Variants in RTN1 observed in about 807,000 individuals in gnomAD.
The protein encoded by RTN1 is reticulon-1.
RTN1 carries 25 observed loss-of-function variants against 65.5 expected under a neutral mutation model. The observed-to-expected ratio is 0.38, with a 90% CI of 0.28 to 0.53. The LOEUF (loss-of-function observed/expected upper bound fraction) is 0.53. RTN1 is among the 20% of genes least tolerant of loss of function. RTN1 has a pLI of 0.79. For missense variants in RTN1, 983 were observed against 1,025.4 expected, an observed-to-expected ratio of 0.96 and a Z score of 0.57; for synonymous variants, 471 against 447.6, an observed-to-expected ratio of 1.05 and a Z score of -0.66.
rs1434055791 is a variant in RTN1, at chr14:59,766,493, ATAT to A, written c.242-20015_242-20013del. Among the ~76,000 whole-genome samples, 2 of 152,116 alleles carry A rather than the reference ATAT, an allele frequency of 1.3e-5. No individual in the cohort carries two copies. The highest frequency in any genetic ancestry group is 2.9e-5 in the Non-Finnish European group (2 of 68,036). ...GTAAGTTGGTAAGGTAGCTGCTCTT[ATAT>A]CTGGGGAAGAAACTAGGGGTTCAAA... On this transcript the variant is annotated intron_variant, in intron 1 of 8. Transcript: ENST00000267484. This position sits in a 1 kb window ranked among gnomAD's most constrained non-coding sequence, Gnocchi z 4.4.
intron 1 of RTN1, among the ~76,000 whole-genome samples, chr14:59,831,761 CAT>C (rs142890244): frequency 6.6e-6 from 1 of 150,816 alleles, no homozygotes; most frequent in South Asian, 2.1e-4. Context: ...ATATATAATC[CAT>C]ATATATATAT....
At chr14:59,796,578 C>CTT (rs1886443551) in intron 1 of RTN1, among the ~76,000 whole-genome samples, 1 of 152,160 alleles carries the variant, frequency 6.6e-6, no homozygotes, top group Non-Finnish European at 1.5e-5. Context: ...TACATCAATA[C>CTT]TTGTAGTTGC....
At chr14:59,858,375 A>C (rs563886559) in intron 1 of RTN1, among the ~76,000 whole-genome samples, 1 of 152,296 alleles carries the variant, frequency 6.6e-6, no homozygotes, top group African/African-American at 2.4e-5. Flanking sequence ...TGAAAAATTC[A>C]TGCCAAAGGC....
At chr14:59,771,640 TG>T (rs1885961364) in intron 1 of RTN1, among the ~76,000 whole-genome samples, 1 of 152,234 alleles carries the variant, frequency 6.6e-6, no homozygotes, top group Non-Finnish European at 1.5e-5. Flanking sequence ...AAATGGCTGC[TG>T]GAAGTCATAA....
chr14:59,616,626 A>G (rs1193035573), intron 3 of RTN1, among the ~76,000 whole-genome samples: 1 of 152,206 alleles, frequency 6.6e-6, no homozygotes, highest in Non-Finnish European at 1.5e-5. Flanking sequence ...ATTGTTATGT[A>G]AAATTGTTGT....
intron 3 of RTN1, among the ~76,000 whole-genome samples, chr14:59,637,452 G>A (rs560810302): frequency 3.5e-4 from 53 of 152,268 alleles, no homozygotes; most frequent in Middle Eastern, 6.8e-3. Context: ...GGTGGCTTAC[G>A]CCTGTAATCC....
chr14:59,798,886 T>C (rs546954347), intron 1 of RTN1, among the ~76,000 whole-genome samples: 50 of 152,164 alleles, frequency 3.3e-4, no homozygotes, highest in Non-Finnish European at 6.0e-4. Flanking sequence ...TTATTTCAAG[T>C]ATTAGTGACT....
intron 1 of RTN1, among the ~76,000 whole-genome samples, chr14:59,848,428 A>AT (rs1360960552): frequency 6.6e-6 from 1 of 152,252 alleles, no homozygotes; most frequent in Admixed American, 6.5e-5. Flanking sequence ...AGTTTTAATC[A>AT]TAACTGTCAA....
intron 4 of RTN1, 143 bp from the exon 5 acceptor site, chr14:59,605,649 G>T: frequency 1.3e-6 from 1 of 750,556 alleles, no homozygotes; most frequent in Non-Finnish European, 2.2e-6. Context: ...GCCAGCCAGT[G>T]AGGGCCACAG....
chr14:59,806,185 G>A (rs1886633689), intron 1 of RTN1, among the ~76,000 whole-genome samples: 1 of 151,900 alleles, frequency 6.6e-6, no homozygotes, highest in South Asian at 2.1e-4. Context: ...ATAGTGAGCT[G>A]AGATTGTGCC....
intron 3 of RTN1, among the ~76,000 whole-genome samples, chr14:59,627,977 A>AT (rs76028429): frequency 0.012 from 1,726 of 144,078 alleles, 23 homozygotes; most frequent in African/African-American, 0.036. Context: ...GATCACACCC[A>AT]TTTTTTTTTT....
intron 1 of RTN1, among the ~76,000 whole-genome samples, chr14:59,844,492 T>TA (rs1247151327): frequency 1.3e-5 from 2 of 152,216 alleles, no homozygotes; most frequent in Non-Finnish European, 2.9e-5. Context: ...AGAGAACCTT[T>TA]ATTATTCCCT....
rs1052453751 is a variant in RTN1 at position 59,651,820 on chromosome 14, C to T, written c.1766-44328G>A. ...TTCATGATGAAATCACCAAAAGCAA[C>T]CACGATAAATTGACAAATGGGATCT... On this transcript the variant is annotated intron_variant, in intron 3 of 8. Coordinates refer to ENST00000267484, the MANE Select transcript of RTN1 (RefSeq NM_021136.3). Among the ~76,000 whole-genome samples the T allele has an allele frequency of 4.6e-5, 7 of 152,012 alleles. No individual in the cohort carries two copies. The South Asian group carries it at 1.5e-3, about 32-fold the overall frequency.
intron 3 of RTN1, among the ~76,000 whole-genome samples, chr14:59,619,772 A>C (rs1327553103): frequency 1.3e-5 from 2 of 152,186 alleles, no homozygotes; most frequent in Non-Finnish European, 2.9e-5. Context: ...GCCAAGGAGA[A>C]GGACATTTCT....
At chr14:59,747,407 C>A (rs113091667) in intron 1 of RTN1, among the ~76,000 whole-genome samples, 1 of 152,100 alleles carries the variant, frequency 6.6e-6, no homozygotes, top group African/African-American at 2.4e-5. Flanking sequence ...GTCGGGAGTT[C>A]GTAGACCAGC....
At chr14:59,605,643 G>C in intron 4 of RTN1, 137 bp from the exon 5 acceptor site, 1 of 775,102 alleles carries the variant, frequency 1.3e-6, no homozygotes, top group Non-Finnish European at 2.1e-6. Context: ...GGTTATGCCA[G>C]CCAGTGAGGG....
intron 1 of RTN1, among the ~76,000 whole-genome samples, chr14:59,783,396 G>C (rs927164500): frequency 2.0e-5 from 3 of 152,168 alleles, no homozygotes; most frequent in Admixed American, 2.0e-4. Flanking sequence ...TCCTCAAGAG[G>C]CTGGGTGCTT....
At chr14:59,681,513 G>C (rs1162705953) in intron 3 of RTN1, among the ~76,000 whole-genome samples, 1 of 152,078 alleles carries the variant, frequency 6.6e-6, no homozygotes, top group Admixed American at 6.6e-5. Flanking sequence ...CACTGCAGTA[G>C]GCACTGGGAA....
intron 3 of RTN1, among the ~76,000 whole-genome samples, chr14:59,724,258 C>T (rs116897298): frequency 0.021 from 3,226 of 152,286 alleles, 45 homozygotes; most frequent in Non-Finnish European, 0.032. Context: ...AGCTCCAAAA[C>T]TAGGCCTTGT....
Sources: gnomAD v4.1 joint callset for allele counts (sites outside exome capture counted in the v4.1 genomes callset) on GRCh38, gnomAD v4.1.1 for gene constraint, Gnocchi (gnomAD v3.1) non-coding constraint, MANE v1.5 for transcripts, NCBI Gene and HGNC (gene_info 2026-07-23, HGNC 2026-07-21) for gene names.